The following DAB1 variants were observed in gnomAD, a reference collection of about 807,000 sequenced individuals.
DAB1 encodes DAB adaptor protein 1, also known as disabled homolog 1.
In DAB1, 15 loss-of-function variants were observed where a neutral mutation model predicts 64.6. The ratio of observed to expected loss-of-function variants is 0.23; its 90% CI spans 0.16 to 0.36. The LOEUF is 0.36. Ranked by LOEUF, DAB1 falls within the 10% of genes least tolerant of loss-of-function variation. The pLI, the probability that DAB1 is intolerant of heterozygous loss-of-function variation, is 1.00. For missense variants in DAB1, 596 were observed against 706.7 expected (o/e 0.84, Z 1.78); for synonymous variants, 235 against 251.9 (o/e 0.93, Z 0.64).
chr1:57,534,197 A>T lies in DAB1; in HGVS notation n.625+115395T>A, dbSNP rs1644698732. Among the ~76,000 whole-genome samples the T allele has an allele frequency of 3.3e-5, 5 of 152,278 alleles. No homozygotes were observed. The Middle Eastern group carries it at 0.017, about 518-fold the overall frequency. On this transcript the variant is annotated intron_variant and non_coding_transcript_variant, in intron 7 of 20. Coordinates refer to the DAB1 transcript ENST00000485760. ...GGACTGGATTGGAGTTTCAGTGCAGACTTCAGAAGAAGTGGCTCTGCACTG... is the reference window on the plus strand; with the variant it reads ...GGACTGGATTGGAGTTTCAGTGCAGTCTTCAGAAGAAGTGGCTCTGCACTG...
chr1:57,462,677 A>G (rs973004369), intron 7 of DAB1, among the ~76,000 whole-genome samples: 1 of 152,222 alleles, frequency 6.6e-6, no homozygotes, highest in Non-Finnish European at 1.5e-5. Flanking sequence ...AGCACAGAGA[A>G]GTTAACATGC....
At chr1:58,345,803 G>A (rs1643990009) in intron 3 of DAB1, among the ~76,000 whole-genome samples, 1 of 152,068 alleles carries the variant, frequency 6.6e-6, no homozygotes, top group African/African-American at 2.4e-5. Flanking sequence ...TATATAAGGA[G>A]GCTCCTGCTA....
chr1:57,381,527 T>C (rs1280847722), intron 1 of DAB1, among the ~76,000 whole-genome samples: 1 of 152,206 alleles, frequency 6.6e-6, no homozygotes, highest in African/African-American at 2.4e-5. Context: ...GAATGCTTGC[T>C]GTGTTCTCTC....
chr1:58,293,463 G>C (rs1019420770), intron 4 of DAB1, among the ~76,000 whole-genome samples: 1 of 152,126 alleles, frequency 6.6e-6, no homozygotes, highest in Non-Finnish European at 1.5e-5. Flanking sequence ...AAAGCCCCAG[G>C]GGAGATGGCA....
intron 5 of DAB1, among the ~76,000 whole-genome samples, chr1:58,141,174 G>A (rs765582328): frequency 1.4e-4 from 21 of 152,074 alleles, no homozygotes; most frequent in Admixed American, 5.9e-4. Context: ...CTCTCACGCC[G>A]CTAATAAGGA....
In DAB1 at chr1:57,446,598, C is replaced by CAAA. The variant is rs11418380; in HGVS notation, n.626-155435_626-155433dup. Among the ~76,000 whole-genome samples, 100 of 132,798 alleles carry CAAA rather than the reference C, an allele frequency of 7.5e-4. 2 individuals carry two copies. Among genetic ancestry groups the CAAA allele is most frequent in the African/African-American group, 2.5e-3 (83 of 32,842 alleles). The allele number at this position is 132,798 out of a possible 152,430, so 87.1% of individuals were successfully genotyped here. Reference sequence around the variant, plus strand: ...GAGCAACAAGAGCAAAACTCCGTTGCAAAAAAAAAAAAAAAAAATTTAGAG... The same window carrying CAAA: ...GAGCAACAAGAGCAAAACTCCGTTGCAAAAAAAAAAAAAAAAAAAAATTTAGAG... On this transcript the variant is annotated intron_variant and non_coding_transcript_variant, in intron 7 of 20. Transcript: ENST00000485760.
chr1:57,424,715 C>A (rs1439771588), upstream of DAB1, among the ~76,000 whole-genome samples: 1 of 152,216 alleles, frequency 6.6e-6, no homozygotes, highest in Non-Finnish European at 1.5e-5. Flanking sequence ...GGCGCTCGCT[C>A]CCAGCCGCCA....
intron 7 of DAB1, among the ~76,000 whole-genome samples, chr1:57,644,105 G>C (rs955242868): frequency 6.6e-6 from 1 of 152,164 alleles, no homozygotes; most frequent in African/African-American, 2.4e-5. Flanking sequence ...AAGGCACAGG[G>C]AGGATGAGAA....
chr1:58,467,302 T>C (rs377247582), intron 3 of DAB1, among the ~76,000 whole-genome samples: 8 of 152,224 alleles, frequency 5.3e-5, no homozygotes, highest in Admixed American at 6.5e-5. Flanking sequence ...TGCAGACCTA[T>C]TGCCCATATG....
intron 4 of DAB1, among the ~76,000 whole-genome samples, chr1:58,269,883 T>C (rs1661273290): frequency 3.2e-5 from 1 of 30,834 alleles, no homozygotes; most frequent in Non-Finnish European, 6.5e-5. Context: ...TGTTTTTTTC[T>C]TGTAAATTTG....
chr1:57,389,201 T>C (rs3896279), intron 1 of DAB1, among the ~76,000 whole-genome samples: 65,470 of 152,056 alleles, frequency 0.43, 14,869 homozygotes, highest in African/African-American at 0.54. Context: ...ACACACATCC[T>C]TGACTTATTT....
Position 57,244,168 on chromosome 1 carries a change from G to A in DAB1, c.67+46796C>T, listed in dbSNP as rs547607742. Among the ~76,000 whole-genome samples, 7 of 152,018 alleles carry A rather than the reference G, an allele frequency of 4.6e-5. No individual in the cohort carries two copies. The South Asian group carries it at 1.5e-3, about 32-fold the overall frequency. ...ATTTTTTATTCCAATTGCATTTTCT[G>A]TCCCATGCCCTTTTTAAAGCCTTAC... On this transcript the variant is annotated intron_variant, in intron 2 of 14. Coordinates refer to ENST00000371236, the MANE Select transcript of DAB1 (RefSeq NM_001365792.1).
chr1:58,313,988 T>G (rs1458711887), intron 4 of DAB1, among the ~76,000 whole-genome samples: 1 of 152,112 alleles, frequency 6.6e-6, no homozygotes, highest in Non-Finnish European at 1.5e-5. Context: ...ACCCAAGCAT[T>G]CAGTCCACAG....
At chr1:57,870,233 C>A (rs1409705845) in intron 1 of DAB1, among the ~76,000 whole-genome samples, 2 of 152,042 alleles carry the variant, frequency 1.3e-5, no homozygotes, top group African/African-American at 4.8e-5. Context: ...TAGCCTAGAC[C>A]TATGTGTATG....
chr1:57,531,503 C>T (rs1390788287), intron 7 of DAB1, among the ~76,000 whole-genome samples: 3 of 152,182 alleles, frequency 2.0e-5, no homozygotes, highest in Admixed American at 1.3e-4. Context: ...AGGCAAAACA[C>T]ATTCTTGGCC....
chr1:57,653,175 T>A (rs185829404), intron 6 of DAB1, among the ~76,000 whole-genome samples: 1 of 152,320 alleles, frequency 6.6e-6, no homozygotes, highest in Non-Finnish European at 1.5e-5. Context: ...ATATAAAACA[T>A]TGTAGAAATA....
upstream of DAB1, among the ~76,000 whole-genome samples, chr1:57,425,208 G>C (rs999309522): frequency 2.6e-5 from 4 of 152,150 alleles, no homozygotes; most frequent in Non-Finnish European, 5.9e-5. Context: ...AAACCACCCT[G>C]TTGGACCCAG....
At chr1:57,352,289 T>A (rs555013929) in intron 1 of DAB1, among the ~76,000 whole-genome samples, 5 of 152,326 alleles carry the variant, frequency 3.3e-5, no homozygotes, top group Admixed American at 6.5e-5. Flanking sequence ...CCTAATGCCA[T>A]GTTTCTGATA....
intron 6 of DAB1, among the ~76,000 whole-genome samples, chr1:57,723,880 T>C (rs562016471): frequency 6.6e-6 from 1 of 152,318 alleles, no homozygotes; most frequent in Non-Finnish European, 1.5e-5. Context: ...GCAAAAACTA[T>C]TGTGGGCTTC....
Sources: allele counts gnomAD v4.1 joint callset (sites outside exome capture counted in the v4.1 genomes callset), GRCh38; gene constraint gnomAD v4.1.1; transcripts MANE v1.5; gene names NCBI Gene and HGNC (gene_info 2026-07-23, HGNC 2026-07-21).